Variants in FYCO1 observed in about 807,000 individuals in gnomAD.
FYCO1 encodes the protein FYVE and coiled-coil domain-containing protein 1.
FYCO1 carries 122 observed loss-of-function variants against 165.1 expected under a neutral mutation model. The ratio of observed to expected loss-of-function variants is 0.74; its 90% CI spans 0.64 to 0.86. The LOEUF is 0.86. FYCO1 is among the 40% of genes least tolerant of loss of function. FYCO1 has a pLI of 0.00. For missense variants in FYCO1, 1,702 were observed against 1,810.3 expected, an observed-to-expected ratio of 0.94 and a Z score of 1.09; for synonymous variants, 648 against 742.5, an observed-to-expected ratio of 0.87 and a Z score of 2.07.
rs1703596465 is a variant in FYCO1 at position 45,931,190 on chromosome 3, G to A, written c.4132C>T (p.Pro1378Ser). 1 of 1,614,084 alleles carries A rather than the reference G, an allele frequency of 6.2e-7. No homozygotes were observed. Among genetic ancestry groups the A allele is most frequent in the Non-Finnish European group, 8.5e-7 (1 of 1,179,964 alleles). Residue 1378 changes from proline to serine, a missense_variant, in exon 16 of 18, where the codon CCC becomes TCC. Transcript: ENST00000296137. ...FVRSSTYSLIPITVAEAGLTI... is the reference protein window; with the variant it reads ...FVRSSTYSLISITVAEAGLTI... ...AGGCCTGCCTCGGCCACAGTGATGG[G>A]GATCAGGCTGTAGGTGCTGGACCTC... is the stretch of plus-strand genomic sequence containing the variant.
intron 8 of FYCO1, 45 bp from the exon 9 acceptor site, chr3:45,965,170 G>A: frequency 6.8e-7 from 1 of 1,462,860 alleles, no homozygotes; most frequent in South Asian, 1.1e-5. Context: ...TAGGGTCCTT[G>A]CTCTGAGGAT....
intron 10 of FYCO1, among the ~76,000 whole-genome samples, chr3:45,963,617 C>T (rs751275775): frequency 1.1e-4 from 16 of 152,210 alleles, no homozygotes; most frequent in Non-Finnish European, 1.6e-4. Flanking sequence ...ACATGCAATT[C>T]GATTCCAGCA....
At position 45,945,030 on chromosome 3, in the gene FYCO1, G is replaced by C. The variant is rs558287224; in HGVS notation, c.3945-8487C>G. The C allele has an allele frequency of 3.9e-5, 6 of 152,252 alleles. 1 individual carries two copies. In the South Asian group the frequency reaches 1.2e-3, roughly 32 times the overall value. The allele number at this position is 152,252 out of a possible 1,614,324, so 9.4% of individuals were successfully genotyped here. On this transcript the variant is annotated intron_variant, in intron 14 of 17. Coordinates refer to ENST00000296137, the MANE Select transcript of FYCO1 (RefSeq NM_024513.4). ...ACGTAAGGGCAAGGATTTTTATTAA[G>C]CAGTCTTAGCCCAAAGGCAGCATCC...
chr3:45,921,453 A>G lies in FYCO1; in HGVS notation c.*312T>C, dbSNP rs1227012797. The G allele has an allele frequency of 5.1e-6, 2 of 390,086 alleles. No individual in the cohort carries two copies. Among genetic ancestry groups the G allele is most frequent in the African/African-American group, 4.2e-5 (2 of 48,154 alleles). The allele number at this position is 390,086 out of a possible 1,614,324, so 24.2% of individuals were successfully genotyped here. A position where few individuals can be genotyped will look rare whatever the true frequency, so the allele number is the denominator to read the frequency against. ...ACTCTCCACAAGAGGCCTGTAGCCA[A>G]CTGTGCTCCCAGGAGAGGCTGATGG... On this transcript the variant is annotated 3_prime_UTR_variant, in exon 18 of 18. Transcript: ENST00000296137.
rs1053135027 is a variant in FYCO1 at position 45,947,107 on chromosome 3, T to C, written c.3944+8142A>G. ...TTCTTGCCACTGCTCACCATGATTGTCTGCTATTCAGTCATAATCAAAACA... is the reference window on the plus strand; with the variant it reads ...TTCTTGCCACTGCTCACCATGATTGCCTGCTATTCAGTCATAATCAAAACA... On this transcript the variant is annotated intron_variant, in intron 14 of 17. Transcript: ENST00000296137. 1.1e-5 allele frequency: 18 copies of C among 1,614,130 alleles called. No individual in the cohort carries two copies. The highest frequency in any genetic ancestry group is 2.7e-5 in the African/African-American group (2 of 74,948).
At chr3:45,958,795 A>G (rs1705515899) in intron 12 of FYCO1, 176 bp from the exon 13 acceptor site, 2 of 703,848 alleles carry the variant, frequency 2.8e-6, no homozygotes, top group Non-Finnish European at 5.1e-6. Flanking sequence ...CCTTCTTGTC[A>G]GCTTGGTGAA....
chr3:45,970,144 C>T (rs773278751), intron 6 of FYCO1, among the ~76,000 whole-genome samples: 4 of 152,206 alleles, frequency 2.6e-5, no homozygotes, highest in Non-Finnish European at 5.9e-5. Context: ...CAGCTGCCCG[C>T]TCTGTATGAC....
chr3:45,930,137 A>C (rs1165696409), intron 16 of FYCO1, among the ~76,000 whole-genome samples: 2 of 152,230 alleles, frequency 1.3e-5, no homozygotes, highest in Admixed American at 6.5e-5. Flanking sequence ...TTCTGCAGTC[A>C]TATTCCCAGA....
At chr3:45,926,912 T>C (rs2373088) in intron 16 of FYCO1, among the ~76,000 whole-genome samples, 127,379 of 151,072 alleles carry the variant, frequency 0.84, 54,368 homozygotes, top group East Asian at 1. Context: ...TGCAGTGAGC[T>C]GAGATCGCGC....
At chr3:45,955,475 A>T in intron 13 of FYCO1, 82 bp from the exon 14 acceptor site, 2 of 1,494,864 alleles carry the variant, frequency 1.3e-6, no homozygotes, top group South Asian at 1.1e-5. Flanking sequence ...TGGGAAAGTG[A>T]GAGAGTGCAG....
Position 45,959,512 on chromosome 3 carries a change from ATCT to A in FYCO1, c.3465_3467del (p.Asp1156del). The A allele has an allele frequency of 6.2e-7, 1 of 1,614,200 alleles. No individual in the cohort carries two copies. The highest frequency in any genetic ancestry group is 8.5e-7 in the Non-Finnish European group (1 of 1,180,040). On this transcript the variant is annotated inframe_deletion, in exon 12 of 18. Coordinates refer to ENST00000296137, the MANE Select transcript of FYCO1 (RefSeq NM_024513.4). ...TGAGCTTCTGCTGGAATTCCAGGGC[ATCT>A]GACTTCTGCCAGAGAGCATCCTTGT...
chr3:45,953,280 C>G (rs138388585), intron 14 of FYCO1, among the ~76,000 whole-genome samples: 440 of 152,280 alleles, frequency 2.9e-3, no homozygotes, highest in Non-Finnish European at 4.4e-3. Context: ...AATGTTGAGG[C>G]AGGAGCATCA....
rs779716640 is a variant in FYCO1, at chr3:45,967,609, G to C, written c.1725C>G (p.Val575=). ...CCTCTTGCAGACTGGAGTTCACAGG[G>C]ACCAGGGCCTCATTCTTCTCACCTG... is the stretch of plus-strand genomic sequence containing the variant. ...PVAGEKNEAL[V]PVNSSLQEAW... The change falls in exon 8 of 18, where the codon GTC becomes GTG. Residue 575 remains valine (V), a synonymous_variant. Coordinates refer to ENST00000296137, the MANE Select transcript of FYCO1 (RefSeq NM_024513.4). The C allele has an allele frequency of 1.2e-6, 2 of 1,614,100 alleles. 1 individual carries two copies. The highest frequency in any genetic ancestry group is 2.2e-5 in the South Asian group (2 of 91,088).
chr3:45,923,731 T>G lies in FYCO1; in HGVS notation c.4286A>C (p.Lys1429Thr). ...LIPTTRCNSH[K>T]ENIQGQLKVR... ...CTTGAGCTGGCCCTGGATGTTCTCC[T>G]TGTGGGAGTTGCATCGGGTCGTGGG... is the stretch of plus-strand genomic sequence containing the variant. The change falls in exon 17 of 18, where the codon AAG becomes ACG. Residue 1429 changes from lysine (K) to threonine (T), a missense_variant. By Grantham distance (78) the Lys-to-Thr change is moderately conservative (BLOSUM62 -1). Transcript: ENST00000296137. The G allele has an allele frequency of 6.2e-7, 1 of 1,614,108 alleles. No individual in the cohort carries two copies.
rs1706307081 is a variant in FYCO1, at chr3:45,969,663, T to C, written c.630+12A>G. The C allele has an allele frequency of 6.2e-7, 1 of 1,610,304 alleles. No individual in the cohort carries two copies. The highest frequency in any genetic ancestry group is 1.1e-5 in the South Asian group (1 of 91,014). On this transcript the variant is annotated intron_variant, in intron 7 of 17. Coordinates refer to ENST00000296137, the MANE Select transcript of FYCO1 (RefSeq NM_024513.4). ...GCTATAGGAAGATAATTCCCAGCCTTCCTGGCCTTACCTGCAGGTAGCTGC... is the reference window on the plus strand; with the variant it reads ...GCTATAGGAAGATAATTCCCAGCCTCCCTGGCCTTACCTGCAGGTAGCTGC...
intron 2 of FYCO1, 93 bp from the exon 3 acceptor site, chr3:45,981,769 T>C (rs1707073471): frequency 1.2e-6 from 1 of 865,740 alleles, no homozygotes; most frequent in African/African-American, 1.7e-5. Context: ...GAGCAAGTGG[T>C]CAGTGATACA....
At chr3:45,933,742 C>T (rs370341112) in intron 15 of FYCO1, among the ~76,000 whole-genome samples, 3 of 152,054 alleles carry the variant, frequency 2.0e-5, no homozygotes, top group Admixed American at 1.3e-4. Context: ...AAAAACCACT[C>T]GTTATCCTAA....
At chr3:45,955,414 A>T in intron 13 of FYCO1, 21 bp from the exon 14 acceptor site, 1 of 1,613,940 alleles carries the variant, frequency 6.2e-7, no homozygotes. Context: ...GAGGCAGATC[A>T]GGAGAGAAGA....
intron 1 of FYCO1, among the ~76,000 whole-genome samples, chr3:45,989,214 G>A (rs1471974440): frequency 6.6e-6 from 1 of 152,204 alleles, no homozygotes; most frequent in Non-Finnish European, 1.5e-5. Flanking sequence ...AAATAAGGAG[G>A]AGCCTACCAG....
Sources: gnomAD v4.1 joint callset for allele counts (sites outside exome capture counted in the v4.1 genomes callset) on GRCh38, gnomAD v4.1.1 for gene constraint, MANE v1.5 for transcripts, NCBI Gene and HGNC (gene_info 2026-07-23, HGNC 2026-07-21) for gene names.